ECPAS: variants seen among roughly 807,000 people sequenced by gnomAD.
ECPAS encodes proteasome adapter and scaffold protein ECM29.
Under a neutral mutation model 255.1 loss-of-function variants are expected in ECPAS, and 70 were observed. The observed-to-expected ratio is 0.27, with a 90% CI of 0.23 to 0.33. The LOEUF (loss-of-function observed/expected upper bound fraction) is 0.33, where lower values mean the gene tolerates loss of function less well. Ranked by LOEUF, ECPAS falls within the 10% of genes least tolerant of loss-of-function variation. ECPAS has a pLI of 1.00. For synonymous variants in ECPAS, 784 were observed against 775.0 expected, an observed-to-expected ratio of 1.01 and a Z score of -0.19; for missense variants, 1,817 against 2,206.4, an observed-to-expected ratio of 0.82 and a Z score of 3.54.
At chr9:111,479,839 C>T (rs558285745) in intron 1 of ECPAS, among the ~76,000 whole-genome samples, 8 of 151,832 alleles carry the variant, frequency 5.3e-5, no homozygotes, top group African/African-American at 9.7e-5. Context: ...ATTAGCTGGG[C>T]GCAGTGACAG....
At chr9:111,369,232 C>G (rs987228818) in intron 45 of ECPAS, 59 bp from the exon 46 acceptor site, 2 of 1,301,222 alleles carry the variant, frequency 1.5e-6, no homozygotes, top group African/African-American at 3.1e-5. Flanking sequence ...TACAGGTATA[C>G]TATTAAAGCT....
At chr9:111,397,730 CTT>C (rs1378098698) in intron 24 of ECPAS, among the ~76,000 whole-genome samples, 19 of 152,230 alleles carry the variant, frequency 1.2e-4, no homozygotes, top group African/African-American at 4.3e-4. Context: ...TCTTTGCACT[CTT>C]AAATTATATG....
chr9:111,376,884 G>A (rs12340342), intron 36 of ECPAS, among the ~76,000 whole-genome samples: 43,277 of 152,116 alleles, frequency 0.28, 7,696 homozygotes, highest in Non-Finnish European at 0.41. Flanking sequence ...TTTTAAAATT[G>A]TGTCTAAGCA....
chr9:111,433,091 C>T, intron 8 of ECPAS, 142 bp downstream of exon 8: 2 of 805,124 alleles, frequency 2.5e-6, no homozygotes, highest in South Asian at 3.7e-5. Flanking sequence ...CTTTAGCAAA[C>T]TTGATTACAA....
intron 8 of ECPAS, 92 bp downstream of exon 8, chr9:111,433,141 C>A (rs372976983): frequency 6.7e-5 from 89 of 1,329,688 alleles, no homozygotes; most frequent in East Asian, 4.9e-4. Flanking sequence ...TTGAATGCCT[C>A]ATTACAAAAA....
At chr9:111,398,823 GC>G (rs1200153556) in intron 24 of ECPAS, among the ~76,000 whole-genome samples, 1 of 152,116 alleles carries the variant, frequency 6.6e-6, no homozygotes, top group African/African-American at 2.4e-5. Flanking sequence ...TGTAATCCCA[GC>G]TATTTGGGAG....
rs1448559187 is a variant in ECPAS at position 111,412,068 on chromosome 9, C to T, written c.2160G>A (p.Gly720=). The change falls in exon 21 of 50, where the codon GGG becomes GGA. Residue 720 remains glycine, a synonymous_variant. Transcript: ENST00000684092. ...FYSVVVSTVS[G]NELKSMIEQL... ...GTTCTATCATTGATTTCAACTCATT[C>T]CCCGACACTGTTGATACCACTACAG... 6.3e-7 allele frequency: 1 copy of T among 1,593,924 alleles called. No homozygotes were observed. The highest frequency in any genetic ancestry group is 1.4e-5 in the African/African-American group (1 of 73,476).
chr9:111,438,842 A>C (rs2131886368), intron 6 of ECPAS, among the ~76,000 whole-genome samples: 1 of 152,360 alleles, frequency 6.6e-6, no homozygotes, highest in East Asian at 1.9e-4. Context: ...AGGAGAACAA[A>C]TTTGTTCATC....
rs1406151542 is a variant in ECPAS, at chr9:111,373,189, C to A, written c.4317G>T (p.Gly1439=). ...AGGTACCTTCTTTCTCCATATACCA[C>A]CCATTGAGCTTCTGCAGGAGTTTTT... ...STEKLLQKLN[G]WYMEKEEPIY... is the part of the protein sequence containing the mutation. Residue 1439 remains glycine, a synonymous_variant, in exon 41 of 50, where the codon GGG becomes GGT. Coordinates refer to ENST00000684092, the MANE Select transcript of ECPAS (RefSeq NM_001364929.1). The A allele has an allele frequency of 1.9e-6, 3 of 1,613,574 alleles. No homozygotes were observed. Among genetic ancestry groups the A allele is most frequent in the Non-Finnish European group, 2.5e-6 (3 of 1,179,556 alleles).
At chr9:111,425,239 C>T (rs952729926) in intron 12 of ECPAS, among the ~76,000 whole-genome samples, 179 bp downstream of exon 12, 3 of 151,404 alleles carry the variant, frequency 2.0e-5, no homozygotes, top group African/African-American at 4.9e-5. Flanking sequence ...ACAGTTATTT[C>T]CCCCCAAAAA....
At chr9:111,465,554 C>G (rs1408605844) in intron 2 of ECPAS, among the ~76,000 whole-genome samples, 2 of 151,852 alleles carry the variant, frequency 1.3e-5, no homozygotes, top group Non-Finnish European at 2.9e-5. Context: ...CAACATTACT[C>G]TCCATACTTT....
intron 1 of ECPAS, chr9:111,483,772 C>T: frequency 5.7e-6 from 1 of 176,020 alleles, no homozygotes; most frequent in Non-Finnish European, 1.1e-5. Context: ...CCTCGCGCCT[C>T]TGCGGAGCCG....
In ECPAS at chr9:111,430,570, C is replaced by A; in HGVS notation, c.907G>T (p.Asp303Tyr). ...ACCTCTTTTGTCTTCAGTGGTATAT[C>A]TCCAAGGTACACCTTGTACATCTTA... ...INKMYKVYLG[D>Y]IPLKTKEGAV... The change falls in exon 9 of 50, where the codon GAT becomes TAT. Residue 303 changes from aspartate (D) to tyrosine (Y), a missense_variant. Asp to Tyr is a radical substitution (Grantham distance 160). Transcript: ENST00000684092. The A allele has an allele frequency of 1.3e-6, 2 of 1,598,568 alleles. No homozygotes were observed. The highest frequency in any genetic ancestry group is 1.7e-6 in the Non-Finnish European group (2 of 1,170,586).
At chr9:111,374,737 A>G (rs2098131394) in intron 38 of ECPAS, among the ~76,000 whole-genome samples, 1 of 152,230 alleles carries the variant, frequency 6.6e-6, no homozygotes, top group African/African-American at 2.4e-5. Context: ...CTTGAAAACT[A>G]GGACATTTTT....
chr9:111,382,748 A>G lies in ECPAS; in HGVS notation c.3803+463T>C, dbSNP rs1425387499. On this transcript the variant is annotated intron_variant, in intron 35 of 49. Transcript: ENST00000684092. ...AGATAAAGTTCCTAGACAGCACTGTACTTTAAAAACAAACAAAACATACAA... is the reference window on the plus strand; with the variant it reads ...AGATAAAGTTCCTAGACAGCACTGTGCTTTAAAAACAAACAAAACATACAA... 3.3e-5 allele frequency among the ~76,000 whole-genome samples: 5 copies of G among 152,242 alleles called. No homozygotes were observed. In the East Asian group the frequency reaches 9.6e-4, roughly 29 times the overall value.
intron 6 of ECPAS, among the ~76,000 whole-genome samples, chr9:111,437,448 G>A (rs536130395): frequency 6.6e-6 from 1 of 152,266 alleles, no homozygotes; most frequent in South Asian, 2.1e-4. Flanking sequence ...CAAATATGAG[G>A]AAAAGTTTGT....
chr9:111,362,413 C>T (rs12342050), intron 49 of ECPAS, among the ~76,000 whole-genome samples: 1 of 151,796 alleles, frequency 6.6e-6, no homozygotes, highest in Non-Finnish European at 1.5e-5. Flanking sequence ...TCCTCTCCTT[C>T]CCCCAGTATC....
At chr9:111,433,099 C>T (rs2098232529) in intron 8 of ECPAS, 134 bp downstream of exon 8, 1 of 850,388 alleles carries the variant, frequency 1.2e-6, no homozygotes, top group Non-Finnish European at 1.8e-6. Context: ...AACTTGATTA[C>T]AAACTAGGTA....
At chr9:111,453,434 G>T (rs1332354040) in intron 2 of ECPAS, among the ~76,000 whole-genome samples, 2 of 152,076 alleles carry the variant, frequency 1.3e-5, no homozygotes, top group Admixed American at 1.3e-4. Flanking sequence ...AGAAACTGGG[G>T]GGGAAGAGGC....
Sources: allele counts gnomAD v4.1 joint callset (sites outside exome capture counted in the v4.1 genomes callset), GRCh38; gene constraint gnomAD v4.1.1; transcripts MANE v1.5; gene names NCBI Gene and HGNC (gene_info 2026-07-23, HGNC 2026-07-21).